SGTB: variants seen among roughly 807,000 people sequenced by gnomAD.
SGTB encodes small glutamine-rich tetratricopeptide repeat-containing protein beta.
Under a neutral mutation model 43.9 loss-of-function variants are expected in SGTB, and 19 were observed. That is an observed-to-expected ratio of 0.43 (90% confidence interval 0.30 to 0.63). The LOEUF is 0.63. SGTB is among the 30% of genes least tolerant of loss of function. The pLI is 0.12. For missense variants in SGTB, 304 were observed against 358.9 expected (o/e 0.85, Z 1.24); for synonymous variants, 116 against 117.3 (o/e 0.99, Z 0.07).
Position 65,697,293 on chromosome 5 carries a change from T to C in SGTB, c.374+6986A>G, listed in dbSNP as rs553431483. On this transcript the variant is annotated intron_variant, in intron 5 of 10. Transcript: ENST00000381007. The stretch of plus-strand genomic sequence containing the variant: ...TGCAAAAGAGAAGCATAATTATTGA[T>C]TTCAGTTTTACAAAAATTAAATAAA... Among the ~76,000 whole-genome samples, 9 of 152,346 alleles carry C rather than the reference T, an allele frequency of 5.9e-5. No individual in the cohort carries two copies. The South Asian group carries it at 1.9e-3, about 32-fold the overall frequency.
intron 5 of SGTB, among the ~76,000 whole-genome samples, chr5:65,690,907 C>A (rs531263535): frequency 3.0e-4 from 46 of 152,262 alleles, no homozygotes; most frequent in South Asian, 8.3e-4. Flanking sequence ...CTTTTGAGCA[C>A]AGTATTCTCA....
intron 4 of SGTB, among the ~76,000 whole-genome samples, chr5:65,705,933 G>A (rs1398867375): frequency 6.6e-6 from 1 of 151,786 alleles, no homozygotes; most frequent in Non-Finnish European, 1.5e-5. Flanking sequence ...CTACTCAGGA[G>A]GCTGAAGTGG....
intron 8 of SGTB, among the ~76,000 whole-genome samples, chr5:65,678,200 ACAACAGGC>A (rs1177483632): frequency 6.6e-6 from 1 of 152,188 alleles, no homozygotes; most frequent in Admixed American, 6.5e-5. Context: ...CTACATACCA[ACAACAGGC>A]AAGTCGAAAG....
Position 65,705,030 on chromosome 5 carries a change from C to CA in SGTB, c.275-653dup, listed in dbSNP as rs1369706881. On this transcript the variant is annotated intron_variant, in intron 4 of 10. Transcript: ENST00000381007. ...TTTTCAGGAAGGGCATCTGCAGATA[C>CA]ATCTGGCAGTAATTTAGCTAAGTTA... Among the ~76,000 whole-genome samples, 334 of 152,326 alleles carry CA rather than the reference C, an allele frequency of 2.2e-3. 3 individuals are homozygous for CA. The highest frequency in any genetic ancestry group is 7.9e-3 in the African/African-American group (330 of 41,578).
rs993835767 is a variant in SGTB, at chr5:65,668,367, T to G, written c.*1879A>C. On this transcript the variant is annotated 3_prime_UTR_variant, in exon 11 of 11. Coordinates refer to ENST00000381007, the MANE Select transcript of SGTB (RefSeq NM_019072.3). ...GCTCACACCTCTAATCCCAGCACTT[T>G]GAGGGGCCAAGATGGGCAGATCACT... is the stretch of plus-strand genomic sequence containing the variant. The G allele has an allele frequency of 6.6e-6, 1 of 151,762 alleles. No homozygotes were observed. Among genetic ancestry groups the G allele is most frequent in the Non-Finnish European group, 1.5e-5 (1 of 68,098 alleles). 9.4% of individuals were successfully genotyped at this position (151,762 alleles called of 1,614,324 possible).
At chr5:65,689,136 A>C (rs1757554604) in intron 5 of SGTB, among the ~76,000 whole-genome samples, 1 of 152,192 alleles carries the variant, frequency 6.6e-6, no homozygotes, top group Admixed American at 6.5e-5. Flanking sequence ...TTGTTTAGTT[A>C]AAATTTATCT....
intron 5 of SGTB, 88 bp downstream of exon 5, chr5:65,704,191 T>C: frequency 1.0e-6 from 1 of 998,692 alleles, no homozygotes; most frequent in Non-Finnish European, 1.4e-6. Flanking sequence ...TTCAAAATTT[T>C]CTAAATAATT....
intron 5 of SGTB, among the ~76,000 whole-genome samples, chr5:65,702,398 CTCTT>C (rs1461554445): frequency 6.6e-6 from 1 of 152,320 alleles, no homozygotes; most frequent in East Asian, 1.9e-4. Flanking sequence ...CTAGACTTCT[CTCTT>C]CCTTCTACCC....
intron 3 of SGTB, among the ~76,000 whole-genome samples, chr5:65,709,839 A>T (rs943573624): frequency 3.3e-5 from 5 of 152,008 alleles, no homozygotes; most frequent in Non-Finnish European, 7.4e-5. Flanking sequence ...AGCTTAAGCA[A>T]TCCTCCCACG....
intron 8 of SGTB, among the ~76,000 whole-genome samples, chr5:65,678,164 T>C (rs1703561592): frequency 1.3e-5 from 2 of 152,134 alleles, no homozygotes; most frequent in Admixed American, 6.6e-5. Context: ...GGATACAAAA[T>C]CAATGTGCAA....
intron 8 of SGTB, among the ~76,000 whole-genome samples, chr5:65,676,026 T>G (rs1473803559): frequency 6.6e-6 from 1 of 151,990 alleles, no homozygotes; most frequent in Non-Finnish European, 1.5e-5. Flanking sequence ...ATGCCCCAAT[T>G]AAAAGACACA....
rs1223198356 is a variant in SGTB at position 65,666,742 on chromosome 5, T to C, written c.*3504A>G. 3 of 152,202 alleles carry C rather than the reference T, an allele frequency of 2.0e-5. No homozygotes were observed. Among genetic ancestry groups the C allele is most frequent in the Non-Finnish European group, 4.4e-5 (3 of 68,006 alleles). The allele number at this position is 152,202 out of a possible 1,614,324, so 9.4% of individuals were successfully genotyped here. A position where few individuals can be genotyped will look rare whatever the true frequency, so the allele number is the denominator to read the frequency against. On this transcript the variant is annotated 3_prime_UTR_variant, in exon 11 of 11. Coordinates refer to ENST00000381007, the MANE Select transcript of SGTB (RefSeq NM_019072.3). The stretch of plus-strand genomic sequence containing the variant: ...GGCAAGTGGACAGATAGCATCTAGA[T>C]TGAATTTGTTACAGGTGGTATATTA...
chr5:65,722,224 C>T (rs571415179), upstream of SGTB: 68 of 419,606 alleles, frequency 1.6e-4, 1 homozygote, highest in South Asian at 3.7e-3. Flanking sequence ...CGTGGAGCTG[C>T]CGCACGTGGG....
chr5:65,699,081 C>G (rs891360840), intron 5 of SGTB, among the ~76,000 whole-genome samples: 44 of 152,190 alleles, frequency 2.9e-4, no homozygotes, highest in Non-Finnish European at 7.3e-5. Flanking sequence ...CACCTGCACA[C>G]ATGTGTTTAT....
chr5:65,683,951 A>G (rs2150707987), intron 6 of SGTB, among the ~76,000 whole-genome samples: 1 of 152,132 alleles, frequency 6.6e-6, no homozygotes, highest in East Asian at 1.9e-4. Flanking sequence ...GTCTCAAAAA[A>G]AAAAAAAGAA....
intron 5 of SGTB, among the ~76,000 whole-genome samples, chr5:65,700,521 A>T (rs1356102522): frequency 1.3e-5 from 2 of 150,998 alleles, no homozygotes; most frequent in Non-Finnish European, 3.0e-5. Flanking sequence ...ACTAAAAAAA[A>T]TACAAAAAAA....
intron 8 of SGTB, among the ~76,000 whole-genome samples, chr5:65,673,944 G>C (rs40630): frequency 0.32 from 48,774 of 151,916 alleles, 8,119 homozygotes; most frequent in African/African-American, 0.37. Flanking sequence ...GTGTGAGCCA[G>C]CACACCAAGG....
chr5:65,720,851 A>G, intron 1 of SGTB, 22 bp from the exon 2 acceptor site: 1 of 1,601,208 alleles, frequency 6.2e-7, no homozygotes, highest in Non-Finnish European at 8.5e-7. Context: ...AAATGAAAAC[A>G]CTGAACTAAG....
At chr5:65,698,687 A>T (rs1229356669) in intron 5 of SGTB, among the ~76,000 whole-genome samples, 2 of 152,238 alleles carry the variant, frequency 1.3e-5, no homozygotes, top group African/African-American at 2.4e-5. Context: ...ACAAATCGGC[A>T]AGAAAAAAAC....
Sources: gnomAD v4.1 joint callset for allele counts (sites outside exome capture counted in the v4.1 genomes callset) on GRCh38, gnomAD v4.1.1 for gene constraint, MANE v1.5 for transcripts, NCBI Gene and HGNC (gene_info 2026-07-23, HGNC 2026-07-21) for gene names.